ZMIZ1: variants seen among roughly 807,000 people sequenced by gnomAD.
ZMIZ1 encodes the protein zinc finger MIZ domain-containing protein 1.
ZMIZ1 carries 17 observed loss-of-function variants against 113.9 expected under a neutral mutation model. The ratio of observed to expected loss-of-function variants is 0.15; its 90% CI spans 0.10 to 0.22. The LOEUF (loss-of-function observed/expected upper bound fraction) is 0.22, where lower values mean the gene tolerates loss of function less well. ZMIZ1 is among the 10% of genes least tolerant of loss of function. The pLI, the probability that ZMIZ1 is intolerant of heterozygous loss-of-function variation, is 1.00. For synonymous variants in ZMIZ1, 607 were observed against 603.1 expected, an observed-to-expected ratio of 1.01 and a Z score of -0.09; for missense variants, 1,059 against 1,477.8, an observed-to-expected ratio of 0.72 and a Z score of 4.65.
At chr10:79,289,713 A>G in intron 8 of ZMIZ1, 62 bp from the exon 9 acceptor site, 3 of 1,490,382 alleles carry the variant, frequency 2.0e-6, no homozygotes, top group Non-Finnish European at 1.9e-6. Flanking sequence ...GGTGATGGGC[A>G]TGGCCTGTCT....
intron 2 of ZMIZ1, among the ~76,000 whole-genome samples, chr10:79,139,396 T>A (rs1216636551): frequency 6.6e-6 from 1 of 152,206 alleles, no homozygotes; most frequent in Non-Finnish European, 1.5e-5. Context: ...GTTCTGCTTT[T>A]CCTACTAAGA....
intron 2 of ZMIZ1, among the ~76,000 whole-genome samples, chr10:79,137,115 C>T (rs1564673115): frequency 6.6e-6 from 1 of 152,198 alleles, no homozygotes; most frequent in Non-Finnish European, 1.5e-5. Flanking sequence ...GTATAAGCCT[C>T]AGGCCCTGCA....
intron 1 of ZMIZ1, among the ~76,000 whole-genome samples, chr10:79,088,012 C>A (rs1379714695): frequency 1.3e-5 from 2 of 152,244 alleles, no homozygotes; most frequent in Non-Finnish European, 1.5e-5. Flanking sequence ...CATTCCAGTG[C>A]GCTCCCTGCA....
At chr10:79,147,592 C>A (rs545912773) in intron 3 of ZMIZ1, among the ~76,000 whole-genome samples, 1 of 152,290 alleles carries the variant, frequency 6.6e-6, no homozygotes, top group Non-Finnish European at 1.5e-5. Flanking sequence ...TTCGTCAAAC[C>A]CTCGCCTCTG....
At chr10:79,277,492 C>T (rs531350992) in intron 8 of ZMIZ1, among the ~76,000 whole-genome samples, 167 bp downstream of exon 8, 5 of 152,166 alleles carry the variant, frequency 3.3e-5, no homozygotes, top group Non-Finnish European at 7.3e-5. Flanking sequence ...CCTGTTTCTC[C>T]CTCTCAAACA....
chr10:79,101,479 C>A (rs1452133927), intron 1 of ZMIZ1, among the ~76,000 whole-genome samples: 1 of 152,182 alleles, frequency 6.6e-6, no homozygotes, highest in Non-Finnish European at 1.5e-5. Context: ...GCCAGGCTTT[C>A]TTCTCTCAAG....
Position 79,307,388 on chromosome 10 carries a change from A to G in ZMIZ1, c.2669-17A>G, listed in dbSNP as rs1394555047. The G allele has an allele frequency of 1.5e-6, 2 of 1,329,694 alleles. No individual in the cohort carries two copies. The highest frequency in any genetic ancestry group is 4.0e-5 in the East Asian group (1 of 25,120). The allele number at this position is 1,329,694 out of a possible 1,614,324, so 82.4% of individuals were successfully genotyped here. A position where few individuals can be genotyped will look rare whatever the true frequency, so the allele number is the denominator to read the frequency against. On this transcript the variant is annotated splice_polypyrimidine_tract_variant and intron_variant, in intron 22 of 24. Coordinates refer to ENST00000334512, the MANE Select transcript of ZMIZ1 (RefSeq NM_020338.4). Reference sequence around the variant, plus strand: ...CTCTGGGTGACCCCCTCCCCTCCCCATCTCATCCCTTCCTAGGCAACAACT... The same window carrying G: ...CTCTGGGTGACCCCCTCCCCTCCCCGTCTCATCCCTTCCTAGGCAACAACT...
chr10:79,113,320 C>T (rs944234444), intron 1 of ZMIZ1, among the ~76,000 whole-genome samples: 1 of 152,230 alleles, frequency 6.6e-6, no homozygotes, highest in Non-Finnish European at 1.5e-5. Flanking sequence ...GGGCCTGCAG[C>T]CTCCATGGTC....
chr10:79,282,938 C>T (rs1197658590), intron 8 of ZMIZ1, among the ~76,000 whole-genome samples: 1 of 152,246 alleles, frequency 6.6e-6, no homozygotes, highest in East Asian at 1.9e-4. Context: ...AGTAGGGCAC[C>T]TTCCAAGTCC....
chr10:79,100,147 G>A (rs1435340058), intron 1 of ZMIZ1, among the ~76,000 whole-genome samples: 2 of 152,116 alleles, frequency 1.3e-5, no homozygotes, highest in African/African-American at 4.8e-5. Context: ...TGTACTACCT[G>A]TAGCATGAGG....
intron 1 of ZMIZ1, among the ~76,000 whole-genome samples, chr10:79,103,957 A>G (rs1439497036): frequency 6.6e-6 from 1 of 152,228 alleles, no homozygotes; most frequent in African/African-American, 2.4e-5. Flanking sequence ...CCCTGGTGTC[A>G]CTACCAACCT....
At chr10:79,092,497 G>A (rs995738055) in intron 1 of ZMIZ1, among the ~76,000 whole-genome samples, 14 of 152,258 alleles carry the variant, frequency 9.2e-5, no homozygotes, top group African/African-American at 3.4e-4. Flanking sequence ...GTTGTGCTAG[G>A]AGACCCAGGC....
intron 4 of ZMIZ1, among the ~76,000 whole-genome samples, chr10:79,166,002 G>GTGTGTGT (rs56386650): frequency 2.0e-3 from 27 of 13,448 alleles, no homozygotes; most frequent in East Asian, 7.5e-3. Context: ...GTGTGTGTGT[G>GTGTGTGT]GGCTCTCCCT....
intron 4 of ZMIZ1, among the ~76,000 whole-genome samples, chr10:79,179,248 T>C (rs1365127235): frequency 6.6e-6 from 1 of 152,198 alleles, no homozygotes; most frequent in African/African-American, 2.4e-5. Flanking sequence ...GTGCCTGATA[T>C]GAATTCCTTC....
intron 3 of ZMIZ1, among the ~76,000 whole-genome samples, chr10:79,155,748 C>A (rs1425368773): frequency 6.6e-6 from 1 of 152,254 alleles, no homozygotes; most frequent in Non-Finnish European, 1.5e-5. Flanking sequence ...CTCTGCCCCA[C>A]GAATGCAGCT....
At chr10:79,204,394 T>C (rs1848225692) in intron 5 of ZMIZ1, among the ~76,000 whole-genome samples, 2 of 152,216 alleles carry the variant, frequency 1.3e-5, no homozygotes, top group African/African-American at 4.8e-5. Context: ...CAGAGATCAC[T>C]GCCACATCCC....
At position 79,297,740 on chromosome 10, in the gene ZMIZ1, T is replaced by C. The variant is rs779598558; in HGVS notation, c.1491+50T>C. 30 of 1,531,540 alleles carry C rather than the reference T, an allele frequency of 2.0e-5. No individual in the cohort carries two copies. The African/African-American group carries it at 3.4e-4, about 17-fold the overall frequency. 94.9% of individuals were successfully genotyped at this position (1,531,540 alleles called of 1,614,324 possible). On this transcript the variant is annotated intron_variant, in intron 14 of 24. Transcript: ENST00000334512. ...TTCTAAGCCACAGGGAGTTGTTGCC[T>C]CTAAAGGTTCTCACTGTTCCTGCTC...
At chr10:79,216,494 C>T in intron 7 of ZMIZ1, 2 of 416,768 alleles carry the variant, frequency 4.8e-6, no homozygotes, top group South Asian at 4.3e-5. Context: ...AGGGGTACTG[C>T]AGGGCCAGAG....
In ZMIZ1 at chr10:79,149,521, G is replaced by A. The variant is rs533440359; in HGVS notation, c.-131+9744G>A. 2.6e-5 allele frequency among the ~76,000 whole-genome samples: 4 copies of A among 152,312 alleles called. No individual in the cohort carries two copies. The South Asian group carries it at 8.3e-4, about 32-fold the overall frequency. On this transcript the variant is annotated intron_variant, in intron 3 of 24. Coordinates refer to ENST00000334512, the MANE Select transcript of ZMIZ1 (RefSeq NM_020338.4). ...GGCTGGATTCACCTGGAGGCCATGG[G>A]TAGCCTTGCAGCCCCTGGGCCAAGC...
Sources: gnomAD v4.1 joint callset for allele counts (sites outside exome capture counted in the v4.1 genomes callset) on GRCh38, gnomAD v4.1.1 for gene constraint, MANE v1.5 for transcripts, NCBI Gene and HGNC (gene_info 2026-07-23, HGNC 2026-07-21) for gene names.